MTDH: variants seen among roughly 807,000 people sequenced by gnomAD.
MTDH encodes metadherin.
A neutral mutation model predicts 72.7 loss-of-function variants in MTDH; 34 were observed. The observed-to-expected ratio is 0.47, with a 90% confidence interval of 0.36 to 0.62. MTDH has a LOEUF of 0.62. Among genes scored for constraint, MTDH ranks in the 20% least tolerant of loss-of-function variants. MTDH has a pLI of 0.00. For synonymous variants in MTDH, 266 were observed against 268.9 expected (o/e 0.99, Z 0.10); for missense variants, 677 against 699.4 (o/e 0.97, Z 0.36).
chr8:97,704,696 T>C (rs1317113569), intron 7 of MTDH, among the ~76,000 whole-genome samples: 1 of 152,110 alleles, frequency 6.6e-6, no homozygotes, highest in Non-Finnish European at 1.5e-5. Context: ...TCATACTGTG[T>C]AGACAATTTT....
chr8:97,728,459 C>T lies in MTDH; in HGVS notation c.*3789C>T, dbSNP rs1177067337. ...GACACACAATGTTCTCTACAGAAAACTTCTTCTATCTTATGTCATTTTAGC... is the reference window on the plus strand; with the variant it reads ...GACACACAATGTTCTCTACAGAAAATTTCTTCTATCTTATGTCATTTTAGC... On this transcript the variant is annotated 3_prime_UTR_variant, in exon 12 of 12. Coordinates refer to ENST00000336273, the MANE Select transcript of MTDH (RefSeq NM_178812.4). 2 of 152,138 alleles carry T rather than the reference C, an allele frequency of 1.3e-5. No individual in the cohort carries two copies. The allele number at this position is 152,138 out of a possible 1,614,324, so 9.4% of individuals were successfully genotyped here.
intron 2 of MTDH, among the ~76,000 whole-genome samples, chr8:97,661,918 C>CAA (rs11440340): frequency 0.2 from 22,012 of 109,988 alleles, 1,942 homozygotes; most frequent in East Asian, 0.4. Context: ...GACCCTGTCT[C>CAA]AAAAAAAAAA....
At chr8:97,683,548 G>A (rs1275710814) in intron 2 of MTDH, among the ~76,000 whole-genome samples, 4 of 150,802 alleles carry the variant, frequency 2.7e-5, no homozygotes, top group Non-Finnish European at 4.4e-5. Flanking sequence ...GTTGCATGCC[G>A]CCACCCCCAC....
chr8:97,729,970 ATTG>A lies in MTDH; in HGVS notation c.*5303_*5305del, dbSNP rs1172169507. 6.6e-6 allele frequency among the ~76,000 whole-genome samples: 1 copy of A among 152,200 alleles called. No individual in the cohort carries two copies. The highest frequency in any genetic ancestry group is 1.5e-5 in the Non-Finnish European group (1 of 68,032). On this transcript the variant is annotated 3_prime_UTR_variant, in exon 12 of 12. Transcript: ENST00000336273. Reference sequence around the variant, plus strand: ...TTTAAAACATGAAAAAGGCATTACTATTGTTCTGGTCTAAGTACTCTAACAGGA... The same window carrying A: ...TTTAAAACATGAAAAAGGCATTACTATTCTGGTCTAAGTACTCTAACAGGA...
chr8:97,652,182 G>A (rs1006513061), intron 1 of MTDH, among the ~76,000 whole-genome samples: 1 of 152,148 alleles, frequency 6.6e-6, no homozygotes, highest in Non-Finnish European at 1.5e-5. Flanking sequence ...CCAACACTTA[G>A]TAGCTTTTGC....
At chr8:97,658,699 T>C (rs566775081) in intron 1 of MTDH, among the ~76,000 whole-genome samples, 30 of 152,230 alleles carry the variant, frequency 2.0e-4, no homozygotes, top group African/African-American at 7.0e-4. Context: ...GAGTTGCCAG[T>C]TGAAGAGATA....
At chr8:97,696,350 C>T (rs1173819236) in intron 6 of MTDH, 2 of 853,168 alleles carry the variant, frequency 2.3e-6, no homozygotes, top group African/African-American at 3.7e-5. Context: ...AATTTTAGTG[C>T]TTGTTATTTG....
chr8:97,681,738 C>T (rs1273341280), intron 2 of MTDH, among the ~76,000 whole-genome samples: 1 of 151,978 alleles, frequency 6.6e-6, no homozygotes, highest in Non-Finnish European at 1.5e-5. Flanking sequence ...GGTAATCCGC[C>T]CACCTCAGCC....
chr8:97,684,065 C>T (rs1001572297), intron 2 of MTDH, among the ~76,000 whole-genome samples: 8 of 144,332 alleles, frequency 5.5e-5, no homozygotes, highest in Non-Finnish European at 9.1e-5. Context: ...TGAACCCAGG[C>T]GGCAGAGGTT....
rs370648845 is a variant in MTDH at position 97,722,972 on chromosome 8, A to T, written c.1615A>T (p.Ile539Leu). ...SDKSSSQVPPILQETDKSKSN... is the reference protein window; with the variant it reads ...SDKSSSQVPPLLQETDKSKSN... The stretch of plus-strand genomic sequence containing the variant: ...CAAGAGCTCTTCCCAAGTGCCGCCA[A>T]TACTACAAGAGACAGATAAATCCAA... The change falls in exon 11 of 12, where the codon ATA (isoleucine) becomes TTA (leucine). Residue 539 changes from isoleucine to leucine, a missense_variant. Physicochemically the swap from Ile to Leu is conservative, Grantham distance 5. Around this residue, in one of 3 missense-constraint regions of MTDH, gnomAD observed 201 missense variants for 204.5 expected, o/e 0.98. Transcript: ENST00000336273. 15 of 1,614,080 alleles carry T rather than the reference A, an allele frequency of 9.3e-6. No homozygotes were observed. The highest frequency in any genetic ancestry group is 1.3e-5 in the Non-Finnish European group (15 of 1,180,028).
At chr8:97,650,545 A>C (rs1811731379) in intron 1 of MTDH, among the ~76,000 whole-genome samples, 1 of 152,028 alleles carries the variant, frequency 6.6e-6, no homozygotes, top group Non-Finnish European at 1.5e-5. Flanking sequence ...AAAGTGCTGG[A>C]ATTACAAGCG....
At chr8:97,713,460 C>T (rs75824318) in intron 8 of MTDH, among the ~76,000 whole-genome samples, 329 of 152,262 alleles carry the variant, frequency 2.2e-3, no homozygotes, top group Admixed American at 0.018. Flanking sequence ...GACGTAGACA[C>T]ACTGAGAGAA....
intron 8 of MTDH, among the ~76,000 whole-genome samples, chr8:97,711,425 T>G (rs992072465): frequency 6.6e-6 from 1 of 151,180 alleles, no homozygotes. Context: ...GGCTGTGCAG[T>G]GAGCCTTGAT....
chr8:97,706,836 T>G (rs746895600), intron 8 of MTDH, 86 bp downstream of exon 8: 11 of 1,451,512 alleles, frequency 7.6e-6, no homozygotes, highest in Non-Finnish European at 1.0e-5. Flanking sequence ...TTCCAGCACT[T>G]TGGGAGGTAC....
At chr8:97,647,757 A>G (rs189912975) in intron 1 of MTDH, among the ~76,000 whole-genome samples, 1 of 152,274 alleles carries the variant, frequency 6.6e-6, no homozygotes, top group East Asian at 1.9e-4. Context: ...ATCCCTGGCT[A>G]CTTGCAATGA....
At chr8:97,687,110 A>G (rs1000558195) in intron 3 of MTDH, among the ~76,000 whole-genome samples, 1 of 152,150 alleles carries the variant, frequency 6.6e-6, no homozygotes, top group African/African-American at 2.4e-5. Flanking sequence ...ATTAGTGATT[A>G]TATATAATAC....
intron 2 of MTDH, among the ~76,000 whole-genome samples, chr8:97,670,239 TCCGGAGGCGGAGCC>T (rs1812556787): frequency 6.6e-6 from 1 of 152,080 alleles, no homozygotes; most frequent in Non-Finnish European, 1.5e-5. Flanking sequence ...TCACTTGAAC[TCCGGAGGCGGAGCC>T]TGTAGTGAGC....
chr8:97,651,424 A>G (rs1811767315), intron 1 of MTDH, among the ~76,000 whole-genome samples: 1 of 152,150 alleles, frequency 6.6e-6, no homozygotes, highest in African/African-American at 2.4e-5. Context: ...CAAAATCACT[A>G]ACAAAAAGCA....
chr8:97,672,461 A>G (rs528461764), intron 2 of MTDH, among the ~76,000 whole-genome samples: 2 of 152,300 alleles, frequency 1.3e-5, no homozygotes, highest in Admixed American at 6.5e-5. Flanking sequence ...TTCCCACCCA[A>G]GGAATTAGTT....
Sources: allele counts gnomAD v4.1 joint callset (sites outside exome capture counted in the v4.1 genomes callset), GRCh38; gene constraint gnomAD v4.1.1; regional missense constraint gnomAD v4.1.1; transcripts MANE v1.5; gene names NCBI Gene and HGNC (gene_info 2026-07-23, HGNC 2026-07-21).